The following MAGI2 variants were observed in gnomAD, a reference collection of about 807,000 sequenced individuals.
The protein encoded by MAGI2 is membrane-associated guanylate kinase, WW and PDZ domain-containing protein 2.
A neutral mutation model predicts 133.3 loss-of-function variants in MAGI2; 35 were observed. The observed-to-expected ratio is 0.26, with a 90% CI of 0.20 to 0.35. The LOEUF is 0.35. Ranked by LOEUF, MAGI2 falls within the 10% of genes least tolerant of loss-of-function variation. The pLI is 1.00. For missense variants in MAGI2, 1,636 were observed against 1,863.4 expected, an observed-to-expected ratio of 0.88 and a Z score of 2.25; for synonymous variants, 729 against 710.6, an observed-to-expected ratio of 1.03 and a Z score of -0.41.
intron 9 of MAGI2, among the ~76,000 whole-genome samples, chr7:78,333,112 A>G (rs1227314151): frequency 6.6e-6 from 1 of 152,222 alleles, no homozygotes; most frequent in Non-Finnish European, 1.5e-5. Flanking sequence ...TTTTTTAAAA[A>G]TTGAATTCCT....
intron 13 of MAGI2, among the ~76,000 whole-genome samples, chr7:78,183,510 A>G (rs534269393): frequency 1.3e-5 from 2 of 152,090 alleles, no homozygotes; most frequent in South Asian, 4.2e-4. Flanking sequence ...GTGATCTGCC[A>G]GACTCGGCCT....
At chr7:78,789,551 A>C (rs1406669319) in intron 2 of MAGI2, among the ~76,000 whole-genome samples, 3 of 152,072 alleles carry the variant, frequency 2.0e-5, no homozygotes, top group Non-Finnish European at 4.4e-5. Context: ...ATTTTTCAAA[A>C]TTCATTTTTA....
At chr7:79,325,141 C>T (rs987439386) in intron 1 of MAGI2, among the ~76,000 whole-genome samples, 2 of 152,214 alleles carry the variant, frequency 1.3e-5, no homozygotes, top group East Asian at 1.9e-4. Context: ...AGTCTCTCTG[C>T]CTCCAGTAAC....
chr7:78,857,114 A>AT (rs1418957485), intron 2 of MAGI2, among the ~76,000 whole-genome samples: 1 of 152,080 alleles, frequency 6.6e-6, no homozygotes, highest in Non-Finnish European at 1.5e-5. Context: ...TATCCTGAGA[A>AT]TTTGCTGAAG....
intron 2 of MAGI2, among the ~76,000 whole-genome samples, chr7:78,664,153 A>C (rs1813281943): frequency 6.6e-6 from 1 of 152,180 alleles, no homozygotes; most frequent in Admixed American, 6.6e-5. Flanking sequence ...ACCATGAATA[A>C]TTATATATTA....
At chr7:79,416,714 C>CT (rs1434721644) in intron 1 of MAGI2, among the ~76,000 whole-genome samples, 49 of 111,840 alleles carry the variant, frequency 4.4e-4, no homozygotes, top group African/African-American at 1.7e-3. Context: ...TTTTTCTTTT[C>CT]TTTTCTTTTT....
intron 1 of MAGI2, among the ~76,000 whole-genome samples, chr7:79,223,315 T>C (rs1830603776): frequency 6.6e-6 from 1 of 152,104 alleles, no homozygotes; most frequent in South Asian, 2.1e-4. Context: ...TTTATTTGAA[T>C]GCTTGATTTT....
chr7:79,191,845 C>CT (rs974542736), intron 1 of MAGI2, among the ~76,000 whole-genome samples: 1 of 151,482 alleles, frequency 6.6e-6, no homozygotes, highest in African/African-American at 2.4e-5. Context: ...ATTAAATTAC[C>CT]TTTTTTTAAA....
At position 78,065,304 on chromosome 7, in the gene MAGI2, G is replaced by T. The variant is rs73362625; in HGVS notation, c.3706+13643C>A. Among the ~76,000 whole-genome samples, 1,354 of 152,272 alleles carry T rather than the reference G, an allele frequency of 8.9e-3. 10 individuals are homozygous for T. Among genetic ancestry groups the T allele is most frequent in the African/African-American group, 0.031 (1,285 of 41,554 alleles). ...TCTGAAATATGTGGGGTGGAACGCG[G>T]CCAGTGCTGCTCTGCTGTTCTCTAC... On this transcript the variant is annotated intron_variant, in intron 21 of 21. Transcript: ENST00000354212.
At chr7:78,723,055 C>T (rs1820415622) in intron 2 of MAGI2, among the ~76,000 whole-genome samples, 1 of 152,108 alleles carries the variant, frequency 6.6e-6, no homozygotes, top group Non-Finnish European at 1.5e-5. Context: ...TAGTAAATCC[C>T]AGGCCACCTT....
chr7:79,294,516 G>A (rs1773924981), intron 1 of MAGI2, among the ~76,000 whole-genome samples: 1 of 152,046 alleles, frequency 6.6e-6, no homozygotes, highest in South Asian at 2.1e-4. Context: ...TCAGTGCACA[G>A]GCCTGTCTGT....
intron 2 of MAGI2, among the ~76,000 whole-genome samples, chr7:78,757,622 G>A (rs1824086319): frequency 6.6e-6 from 1 of 152,088 alleles, no homozygotes; most frequent in African/African-American, 2.4e-5. Context: ...TGACTTAACA[G>A]CTGCACCTGA....
At chr7:78,782,522 G>A (rs1178527847) in intron 2 of MAGI2, among the ~76,000 whole-genome samples, 1 of 152,098 alleles carries the variant, frequency 6.6e-6, no homozygotes, top group East Asian at 1.9e-4. Flanking sequence ...GGATCCCCTA[G>A]GGCATAACTG....
At chr7:78,882,546 C>A (rs1270748735) in intron 2 of MAGI2, among the ~76,000 whole-genome samples, 1 of 151,822 alleles carries the variant, frequency 6.6e-6, no homozygotes, top group Admixed American at 6.6e-5. Flanking sequence ...CAAAAGCTGG[C>A]AAAGACACAA....
In MAGI2 at chr7:78,019,109, G is replaced by A. The variant is rs1266442591; in HGVS notation, c.*206C>T. On this transcript the variant is annotated 3_prime_UTR_variant, in exon 22 of 22. Coordinates refer to ENST00000354212, the MANE Select transcript of MAGI2 (RefSeq NM_012301.4). ...TGCCAAAGCCCCCACAAGGGAACCG[G>A]GGGCTTTAGGATCAGTTTAGGTCTG... 6.0e-6 allele frequency: 3 copies of A among 497,906 alleles called. No homozygotes were observed. Among genetic ancestry groups the A allele is most frequent in the East Asian group, 3.5e-5 (1 of 28,580 alleles). 30.8% of individuals were successfully genotyped at this position (497,906 alleles called of 1,614,324 possible). A position where few individuals can be genotyped will look rare whatever the true frequency, so the allele number is the denominator to read the frequency against.
At chr7:78,268,373 C>G (rs1309442843) in intron 9 of MAGI2, among the ~76,000 whole-genome samples, 1 of 152,086 alleles carries the variant, frequency 6.6e-6, no homozygotes, top group Non-Finnish European at 1.5e-5. Flanking sequence ...TGTTGGAGAT[C>G]AGGGAGAAAT....
At chr7:78,387,012 C>T (rs775799468) in intron 6 of MAGI2, among the ~76,000 whole-genome samples, 1 of 152,186 alleles carries the variant, frequency 6.6e-6, no homozygotes, top group Non-Finnish European at 1.5e-5. Flanking sequence ...TCTGAGTTTG[C>T]ATTTTCAGAA....
intron 15 of MAGI2, among the ~76,000 whole-genome samples, chr7:78,161,863 AAAGATGGATGCTTTTTGT>A (rs1825054365): frequency 6.6e-6 from 1 of 152,180 alleles, no homozygotes. Flanking sequence ...AAATAAAGGA[AAAGATGGATGCTTTTTGT>A]AAGAAATGTA....
chr7:79,250,469 A>C lies in MAGI2; in HGVS notation c.301+202551T>G, dbSNP rs532393075. Among the ~76,000 whole-genome samples, 3 of 152,274 alleles carry C rather than the reference A, an allele frequency of 2.0e-5. No individual in the cohort carries two copies. The South Asian group carries it at 6.2e-4, about 32-fold the overall frequency. On this transcript the variant is annotated intron_variant, in intron 1 of 21. Transcript: ENST00000354212. Reference sequence around the variant, plus strand: ...TATAACAAAAGCGAACAATCTGAGAAAGAAATCAAGAAATTAATCCTATTT... The same window carrying C: ...TATAACAAAAGCGAACAATCTGAGACAGAAATCAAGAAATTAATCCTATTT...
Sources: allele counts gnomAD v4.1 joint callset (sites outside exome capture counted in the v4.1 genomes callset), GRCh38; gene constraint gnomAD v4.1.1; transcripts MANE v1.5; gene names NCBI Gene and HGNC (gene_info 2026-07-23, HGNC 2026-07-21).